THBS4: variants seen among roughly 807,000 people sequenced by gnomAD.
THBS4 encodes the protein thrombospondin-4.
In THBS4, 90 loss-of-function variants were observed where a neutral mutation model predicts 115.7. That is an observed-to-expected ratio of 0.78 (90% CI 0.66 to 0.93). THBS4 has a LOEUF of 0.93. Ranked by LOEUF, THBS4 falls within the 40% of genes least tolerant of loss-of-function variation. THBS4 has a pLI of 0.00. For missense variants in THBS4, 1,087 were observed against 1,232.7 expected, an observed-to-expected ratio of 0.88 and a Z score of 1.77; for synonymous variants, 460 against 479.3, an observed-to-expected ratio of 0.96 and a Z score of 0.53.
intron 1 of THBS4, among the ~76,000 whole-genome samples, chr5:79,992,108 T>C (rs1308734371): frequency 1.3e-5 from 2 of 152,240 alleles, no homozygotes. Flanking sequence ...CCTCAAATCA[T>C]GTAGCTCGTC....
upstream of THBS4, among the ~76,000 whole-genome samples, chr5:80,031,456 A>G (rs145273409): frequency 0.012 from 1,864 of 152,348 alleles, 43 homozygotes; most frequent in African/African-American, 0.043. Flanking sequence ...TCAGTTCTCT[A>G]TTGCTACAAT....
intron 2 of THBS4, among the ~76,000 whole-genome samples, chr5:80,014,059 G>C (rs1195422468): frequency 6.6e-6 from 1 of 152,190 alleles, no homozygotes; most frequent in East Asian, 1.9e-4. Flanking sequence ...GTCCCATGTA[G>C]AGGTGGGATT....
upstream of THBS4, chr5:80,033,289 T>G (rs183448984): frequency 1.0e-3 from 328 of 329,400 alleles, no homozygotes; most frequent in Middle Eastern, 4.0e-3. Flanking sequence ...CAGCACGTGG[T>G]GCATTGTCCT....
chr5:80,060,762 CA>C (rs368527960), intron 7 of THBS4, among the ~76,000 whole-genome samples: 2,120 of 150,878 alleles, frequency 0.014, 45 homozygotes, highest in African/African-American at 0.048. Context: ...AAAAAACAAA[CA>C]AAAAAAAACA....
intron 16 of THBS4, among the ~76,000 whole-genome samples, chr5:80,077,592 C>T (rs1168048980): frequency 1.3e-5 from 2 of 152,202 alleles, no homozygotes; most frequent in African/African-American, 4.8e-5. Context: ...GCAAAAATGC[C>T]AGCACGTTAG....
chr5:80,000,839 C>T (rs1028800738), intron 2 of THBS4, among the ~76,000 whole-genome samples: 24 of 152,020 alleles, frequency 1.6e-4, no homozygotes, highest in African/African-American at 4.8e-4. Context: ...GGAAGGGTTA[C>T]GGGCGGGAAT....
chr5:80,020,368 G>A (rs1832344533), intron 2 of THBS4, among the ~76,000 whole-genome samples: 1 of 152,152 alleles, frequency 6.6e-6, no homozygotes, highest in Non-Finnish European at 1.5e-5. Flanking sequence ...CAACTACTCG[G>A]GAGGCTGAGG....
chr5:80,061,886 G>A (rs947805543), intron 8 of THBS4, 54 bp downstream of exon 8: 4 of 1,530,690 alleles, frequency 2.6e-6, no homozygotes, highest in Non-Finnish European at 3.5e-6. Context: ...AACAACTGTG[G>A]TTGGTTCCCA....
upstream of THBS4, among the ~76,000 whole-genome samples, chr5:80,032,285 A>G (rs1832600551): frequency 6.6e-6 from 1 of 152,218 alleles, no homozygotes; most frequent in Admixed American, 6.5e-5. Flanking sequence ...GCCCTCTAAA[A>G]GCAAAACCAG....
chr5:80,041,179 C>T (rs1832889932), intron 2 of THBS4, among the ~76,000 whole-genome samples: 1 of 152,174 alleles, frequency 6.6e-6, no homozygotes, highest in Non-Finnish European at 1.5e-5. Flanking sequence ...TGTAAGGGCC[C>T]AGTTCCTGGA....
At chr5:80,070,173 C>A in intron 10 of THBS4, 133 bp from the exon 11 acceptor site, 1 of 646,300 alleles carries the variant, frequency 1.5e-6, no homozygotes, top group Non-Finnish European at 2.7e-6. Context: ...AGTTTCTAAG[C>A]CCCACCCAAC....
intron 2 of THBS4, among the ~76,000 whole-genome samples, chr5:80,002,106 A>C (rs555345964): frequency 2.6e-5 from 4 of 152,328 alleles, no homozygotes; most frequent in Admixed American, 2.6e-4. Flanking sequence ...TTTATACCAT[A>C]CCATGCAGTC....
rs1242847451 is a variant in THBS4, at chr5:80,055,821, A to G, written c.329A>G (p.His110Arg). The stretch of plus-strand genomic sequence containing the variant: ...TACCTGAAGAACGATGGGAAGGTGC[A>G]TTTGGTGGTTTTCAACAACCTGCAG... ...LRYLKNDGKVHLVVFNNLQLA... is the reference protein window; with the variant it reads ...LRYLKNDGKVRLVVFNNLQLA... The change falls in exon 3 of 22, where the codon CAT becomes CGT. Residue 110 changes from histidine (H) to arginine (R), a missense_variant. By Grantham distance (29) the His-to-Arg change is conservative (BLOSUM62 0). This residue lies in a region of THBS4 where 979 missense variants were observed against 1,103.7 expected (regional missense o/e 0.89). Transcript: ENST00000350881. 2.5e-6 allele frequency: 4 copies of G among 1,614,046 alleles called. No individual in the cohort carries two copies. The highest frequency in any genetic ancestry group is 2.5e-6 in the Non-Finnish European group (3 of 1,179,950).
intron 9 of THBS4, 69 bp downstream of exon 9, chr5:80,065,546 T>G (rs987078342): frequency 6.9e-7 from 1 of 1,455,434 alleles, no homozygotes. Context: ...TGTTTATAGA[T>G]CATAGCTTCC....
chr5:80,049,570 A>C (rs1833187113), intron 2 of THBS4, among the ~76,000 whole-genome samples: 1 of 152,252 alleles, frequency 6.6e-6, no homozygotes. Context: ...ACATTTTAAA[A>C]AAGACATAAT....
At chr5:80,048,454 G>A (rs778332107) in intron 2 of THBS4, among the ~76,000 whole-genome samples, 1 of 152,114 alleles carries the variant, frequency 6.6e-6, no homozygotes, top group Non-Finnish European at 1.5e-5. Flanking sequence ...AGTTTCATAG[G>A]CACTTAAGAA....
At chr5:80,044,502 A>T (rs1486217717) in intron 2 of THBS4, among the ~76,000 whole-genome samples, 1 of 152,138 alleles carries the variant, frequency 6.6e-6, no homozygotes, top group Non-Finnish European at 1.5e-5. Context: ...GGCTCACTGC[A>T]GCCTCTGCCT....
At chr5:80,075,129 A>G (rs1209726817) in intron 15 of THBS4, 2 of 152,180 alleles carry the variant, frequency 1.3e-5, no homozygotes, top group Non-Finnish European at 2.9e-5. Flanking sequence ...TAGTTATTAT[A>G]CTGCATTGGT....
Position 80,083,049 on chromosome 5 carries a change from G to A in THBS4, c.2825-31G>A, listed in dbSNP as rs373170542. 6.2e-6 allele frequency: 10 copies of A among 1,606,304 alleles called. No homozygotes were observed. The African/African-American group carries it at 8.0e-5, about 13-fold the overall frequency. On this transcript the variant is annotated intron_variant, in intron 21 of 21. Transcript: ENST00000350881. Reference sequence around the variant, plus strand: ...CGGGGTCCGGGGTGGAAGGAGCCTCGCTAACCTCCCTGTGCCCATTCCTAT... The same window carrying A: ...CGGGGTCCGGGGTGGAAGGAGCCTCACTAACCTCCCTGTGCCCATTCCTAT...
Sources: gnomAD v4.1 joint callset for allele counts (sites outside exome capture counted in the v4.1 genomes callset) on GRCh38, gnomAD v4.1.1 for gene constraint, gnomAD v4.1.1 regional missense constraint, MANE v1.5 for transcripts, NCBI Gene and HGNC (gene_info 2026-07-23, HGNC 2026-07-21) for gene names.